The following SORCS2 variants were observed in gnomAD, a reference collection of about 807,000 sequenced individuals.
SORCS2 encodes the protein sortilin related VPS10 domain containing receptor 2, also known as VPS10 domain-containing receptor SorCS2.
Under a neutral mutation model 141.6 loss-of-function variants are expected in SORCS2, and 100 were observed. The ratio of observed to expected loss-of-function variants is 0.71; its 90% CI spans 0.60 to 0.83. The LOEUF is 0.83. Among genes scored for constraint, SORCS2 ranks in the 40% least tolerant of loss-of-function variants. SORCS2 has a pLI of 0.00. For synonymous variants in SORCS2, 789 were observed against 676.9 expected, an observed-to-expected ratio of 1.17 and a Z score of -2.57; for missense variants, 1,646 against 1,560.2, an observed-to-expected ratio of 1.05 and a Z score of -0.93.
intron 3 of SORCS2, among the ~76,000 whole-genome samples, chr4:7,564,807 C>T (rs1326930974): frequency 3.3e-5 from 5 of 152,198 alleles, no homozygotes; most frequent in Non-Finnish European, 5.9e-5. Flanking sequence ...ACATTTTATT[C>T]GAGAAAGAAA....
At chr4:7,257,235 G>T (rs1453365511) in intron 1 of SORCS2, among the ~76,000 whole-genome samples, 2 of 152,106 alleles carry the variant, frequency 1.3e-5, no homozygotes, top group Non-Finnish European at 2.9e-5. Flanking sequence ...CCAGCAGGAC[G>T]GATCGGCGGT....
intron 2 of SORCS2, among the ~76,000 whole-genome samples, chr4:7,458,131 T>C (rs1311992683): frequency 6.6e-6 from 1 of 151,604 alleles, no homozygotes; most frequent in African/African-American, 2.4e-5. Flanking sequence ...GAGGGAAGGG[T>C]CTTCCGGAAA....
intron 2 of SORCS2, among the ~76,000 whole-genome samples, chr4:7,494,032 CAG>C (rs71647605): frequency 1.0e-3 from 90 of 88,024 alleles, no homozygotes; most frequent in Middle Eastern, 8.5e-3. Context: ...CACACACACA[CAG>C]ACACACACAC....
At chr4:7,295,419 G>A (rs1716978621) in intron 1 of SORCS2, among the ~76,000 whole-genome samples, 1 of 151,978 alleles carries the variant, frequency 6.6e-6, no homozygotes, top group South Asian at 2.1e-4. Context: ...GCTTTGTCCA[G>A]GGATGAAGAG....
Position 7,503,065 on chromosome 4 carries a change from C to T in SORCS2, c.549-28465C>T, listed in dbSNP as rs112769336. ...CCTGCCAGCGGTAGCATCCTGCCTC[C>T]GGGAGCACAGGTGCACAGGGGCTGG... is the stretch of plus-strand genomic sequence containing the variant. On this transcript the variant is annotated intron_variant, in intron 2 of 26. Coordinates refer to ENST00000507866, the MANE Select transcript of SORCS2 (RefSeq NM_020777.3). Among the ~76,000 whole-genome samples the T allele has an allele frequency of 5.4e-4, 82 of 152,256 alleles. No individual in the cohort carries two copies. The Middle Eastern group carries it at 0.01, about 19-fold the overall frequency.
intron 1 of SORCS2, among the ~76,000 whole-genome samples, chr4:7,251,489 G>A (rs1713506169): frequency 6.6e-6 from 1 of 152,310 alleles, no homozygotes; most frequent in South Asian, 2.1e-4. Context: ...GTAATGTGCT[G>A]TTCTCAAGAC....
At position 7,648,643 on chromosome 4, in the gene SORCS2, G is replaced by A. The variant is rs528705493; in HGVS notation, c.814-5491G>A. Reference sequence around the variant, plus strand: ...AGAAGCTGCTGGGTCTACTGAGGGCGGGCGGGGAGTGAGGGGGCTGCCAAG... The same window carrying A: ...AGAAGCTGCTGGGTCTACTGAGGGCAGGCGGGGAGTGAGGGGGCTGCCAAG... On this transcript the variant is annotated intron_variant, in intron 4 of 26. Transcript: ENST00000507866. The surrounding 1 kb of genome is among the most constrained non-coding windows in gnomAD (Gnocchi z 4.2). Among the ~76,000 whole-genome samples the A allele has an allele frequency of 3.9e-5, 6 of 152,260 alleles. No homozygotes were observed. Among genetic ancestry groups the A allele is most frequent in the South Asian group, 2.1e-4 (1 of 4,832 alleles).
chr4:7,246,425 CTCGGGGCTTAAATGAA>C (rs772466761), intron 1 of SORCS2, among the ~76,000 whole-genome samples: 16,812 of 151,628 alleles, frequency 0.11, 1,440 homozygotes, highest in African/African-American at 0.24. Flanking sequence ...ACACATCTCA[CTCGGGGCTTAAATGAA>C]CCCACACATC....
intron 2 of SORCS2, among the ~76,000 whole-genome samples, chr4:7,447,934 C>T (rs999031603): frequency 3.9e-5 from 6 of 152,024 alleles, no homozygotes; most frequent in Non-Finnish European, 8.8e-5. Context: ...GGCCTTCACA[C>T]GCAGGCTGAT....
At chr4:7,249,907 C>A (rs1713372510) in intron 1 of SORCS2, among the ~76,000 whole-genome samples, 1 of 152,196 alleles carries the variant, frequency 6.6e-6, no homozygotes, top group Admixed American at 6.5e-5. Flanking sequence ...TGCGTGTGAG[C>A]ATGCCCTCAG....
At position 7,403,878 on chromosome 4, in the gene SORCS2, A is replaced by C. The variant is rs1251738419; in HGVS notation, c.548+7523A>C. 2.7e-5 allele frequency among the ~76,000 whole-genome samples: 4 copies of C among 148,430 alleles called. No homozygotes were observed. The South Asian group carries it at 6.5e-4, about 24-fold the overall frequency. ...CGAATAATGTACACTGTATGCACGA[A>C]GTAATTTTGAATACTCCACCCCCCC... On this transcript the variant is annotated intron_variant, in intron 2 of 26. Transcript: ENST00000507866.
intron 4 of SORCS2, among the ~76,000 whole-genome samples, chr4:7,641,204 T>TA (rs1336421762): frequency 2.0e-5 from 3 of 152,186 alleles, no homozygotes; most frequent in Admixed American, 2.0e-4. Context: ...TATTAAGAAC[T>TA]ACCTGAGACT....
intron 2 of SORCS2, among the ~76,000 whole-genome samples, chr4:7,402,325 T>C (rs1724644638): frequency 6.6e-6 from 1 of 152,240 alleles, no homozygotes; most frequent in South Asian, 2.1e-4. Context: ...CCCCCTTTTA[T>C]ATTAAAAACA....
chr4:7,529,911 C>T (rs1007363798), intron 2 of SORCS2, among the ~76,000 whole-genome samples: 1 of 152,180 alleles, frequency 6.6e-6, no homozygotes, highest in Non-Finnish European at 1.5e-5. Context: ...GGTCCTGAGG[C>T]CCCCCGCCAT....
At chr4:7,244,026 C>T (rs758341045) in intron 1 of SORCS2, among the ~76,000 whole-genome samples, 13 of 152,240 alleles carry the variant, frequency 8.5e-5, no homozygotes, top group Non-Finnish European at 1.6e-4. Context: ...CTCCTCTGCT[C>T]AGCGGAGTCA....
At chr4:7,549,845 C>G (rs1713547494) in intron 3 of SORCS2, among the ~76,000 whole-genome samples, 1 of 152,200 alleles carries the variant, frequency 6.6e-6, no homozygotes, top group Non-Finnish European at 1.5e-5. Flanking sequence ...AACCATATAA[C>G]AGTACCAGTG....
chr4:7,239,670 C>T (rs1196858139), intron 1 of SORCS2, among the ~76,000 whole-genome samples: 1 of 152,176 alleles, frequency 6.6e-6, no homozygotes, highest in Non-Finnish European at 1.5e-5. Flanking sequence ...CACTTGGCCC[C>T]CAGGATAGGC....
In SORCS2 at chr4:7,449,885, G is replaced by T. The variant is rs533925470; in HGVS notation, c.548+53530G>T. Among the ~76,000 whole-genome samples the T allele has an allele frequency of 5.1e-4, 78 of 152,322 alleles. No homozygotes were observed. The South Asian group carries it at 8.9e-3, about 17-fold the overall frequency. On this transcript the variant is annotated intron_variant, in intron 2 of 26. Coordinates refer to ENST00000507866, the MANE Select transcript of SORCS2 (RefSeq NM_020777.3). The stretch of plus-strand genomic sequence containing the variant: ...GAGAGGTTCATGAGGAAGGTACTTG[G>T]GGCTGGCGGGAGAGGTGGGAGCTGG...
At chr4:7,461,642 G>A (rs1729319203) in intron 2 of SORCS2, among the ~76,000 whole-genome samples, 1 of 152,192 alleles carries the variant, frequency 6.6e-6, no homozygotes, top group African/African-American at 2.4e-5. Context: ...CAGCCTCGCT[G>A]CTGGGGTGAC....
Sources: gnomAD v4.1 joint callset for allele counts (sites outside exome capture counted in the v4.1 genomes callset) on GRCh38, gnomAD v4.1.1 for gene constraint, Gnocchi (gnomAD v3.1) non-coding constraint, MANE v1.5 for transcripts, NCBI Gene and HGNC (gene_info 2026-07-23, HGNC 2026-07-21) for gene names.